The following GALNTL6 variants were observed in gnomAD, a reference collection of about 807,000 sequenced individuals.
GALNTL6 encodes the protein polypeptide N-acetylgalactosaminyltransferase-like 6.
GALNTL6 carries 46 observed loss-of-function variants against 73.7 expected under a neutral mutation model. The ratio of observed to expected loss-of-function variants is 0.62; its 90% CI spans 0.49 to 0.80. GALNTL6 has a LOEUF of 0.80. Ranked by LOEUF, GALNTL6 falls within the 30% of genes least tolerant of loss-of-function variation. The probability of loss-of-function intolerance (pLI) is 0.00; values close to 1 mark genes in which losing one functional copy is unlikely to be tolerated. For synonymous variants in GALNTL6, 259 were observed against 263.7 expected (o/e 0.98, Z 0.17); for missense variants, 604 against 755.0 (o/e 0.80, Z 2.34).
At chr4:171,914,062 A>G (rs970437154) in intron 2 of GALNTL6, among the ~76,000 whole-genome samples, 2 of 152,204 alleles carry the variant, frequency 1.3e-5, no homozygotes, top group Non-Finnish European at 2.9e-5. Context: ...AGGCTATAAA[A>G]TGAAATGGAA....
At chr4:172,461,218 G>A (rs952366232) in intron 5 of GALNTL6, among the ~76,000 whole-genome samples, 1 of 152,202 alleles carries the variant, frequency 6.6e-6, no homozygotes, top group South Asian at 2.1e-4. Flanking sequence ...GACCTGTTGG[G>A]GGGTGGGGCT....
chr4:172,016,165 C>T (rs1282209685), intron 2 of GALNTL6, among the ~76,000 whole-genome samples: 1 of 151,798 alleles, frequency 6.6e-6, no homozygotes, highest in Non-Finnish European at 1.5e-5. Flanking sequence ...GTTTTCCAAA[C>T]ATTTAGCTTT....
At chr4:172,108,988 G>C (rs977006694) in intron 2 of GALNTL6, among the ~76,000 whole-genome samples, 4 of 143,506 alleles carry the variant, frequency 2.8e-5, no homozygotes, top group African/African-American at 1.0e-4. Flanking sequence ...ACTCCAGCCT[G>C]GGTGACAGAG....
intron 2 of GALNTL6, among the ~76,000 whole-genome samples, chr4:171,849,375 C>G (rs1170159702): frequency 6.6e-6 from 1 of 152,118 alleles, no homozygotes; most frequent in African/African-American, 2.4e-5. Context: ...AGATCACTCC[C>G]TTAATAATAA....
At chr4:172,977,050 A>G (rs1438210018) in intron 10 of GALNTL6, among the ~76,000 whole-genome samples, 1 of 152,256 alleles carries the variant, frequency 6.6e-6, no homozygotes, top group Non-Finnish European at 1.5e-5. Context: ...AATTACTGTC[A>G]AACAGAATAG....
intron 5 of GALNTL6, among the ~76,000 whole-genome samples, chr4:172,795,650 C>A (rs1740221907): frequency 6.6e-6 from 1 of 152,002 alleles, no homozygotes; most frequent in Non-Finnish European, 1.5e-5. Context: ...AATGGAGTAT[C>A]CATCCCCTCA....
chr4:172,109,001 A>T (rs1732769916), intron 2 of GALNTL6, among the ~76,000 whole-genome samples: 1 of 136,850 alleles, frequency 7.3e-6, no homozygotes. Context: ...TGACAGAGTG[A>T]GACTCCATCT....
chr4:172,007,274 A>T (rs1411334150), intron 2 of GALNTL6, among the ~76,000 whole-genome samples: 1 of 152,122 alleles, frequency 6.6e-6, no homozygotes, highest in Non-Finnish European at 1.5e-5. Flanking sequence ...CAAGAAAAAT[A>T]ATGTTTCATG....
intron 7 of GALNTL6, among the ~76,000 whole-genome samples, chr4:172,851,171 TCTA>T (rs933676630): frequency 9.2e-5 from 14 of 152,086 alleles, no homozygotes; most frequent in Admixed American, 2.6e-4. Context: ...AACAAAGGAA[TCTA>T]CTATCACCCA....
intron 7 of GALNTL6, among the ~76,000 whole-genome samples, chr4:172,853,772 T>C (rs1474512921): frequency 1.3e-5 from 2 of 152,212 alleles, no homozygotes; most frequent in African/African-American, 2.4e-5. Context: ...AGATTTATAT[T>C]CCTAATATAA....
At chr4:171,815,149 T>C (rs912893897) in intron 2 of GALNTL6, 5 of 204,898 alleles carry the variant, frequency 2.4e-5, no homozygotes, top group Non-Finnish European at 4.8e-5. Context: ...GTGAAGTGGT[T>C]CTTTAAAAAT....
intron 3 of GALNTL6, among the ~76,000 whole-genome samples, chr4:172,275,279 C>T (rs534672260): frequency 2.6e-5 from 4 of 152,250 alleles, no homozygotes; most frequent in Admixed American, 6.5e-5. Flanking sequence ...ATCATTTCTT[C>T]GTTATTTACT....
At chr4:172,462,837 A>G (rs970825002) in intron 5 of GALNTL6, among the ~76,000 whole-genome samples, 5 of 152,228 alleles carry the variant, frequency 3.3e-5, no homozygotes, top group Non-Finnish European at 7.3e-5. Flanking sequence ...AGCCTTAGAC[A>G]GCAGGTAGGA....
chr4:172,313,837 G>A (rs1740451158), intron 4 of GALNTL6, among the ~76,000 whole-genome samples: 1 of 152,172 alleles, frequency 6.6e-6, no homozygotes, highest in Non-Finnish European at 1.5e-5. Flanking sequence ...AACCTTGAGA[G>A]GGTTTGAGAT....
intron 2 of GALNTL6, among the ~76,000 whole-genome samples, chr4:172,089,856 C>T (rs1411773595): frequency 6.6e-6 from 1 of 152,144 alleles, no homozygotes; most frequent in Non-Finnish European, 1.5e-5. Flanking sequence ...CCCCTAGCCC[C>T]TGATTTCCCA....
At chr4:172,854,694 C>G (rs1001045062) in intron 7 of GALNTL6, among the ~76,000 whole-genome samples, 3 of 152,168 alleles carry the variant, frequency 2.0e-5, no homozygotes, top group Non-Finnish European at 2.9e-5. Context: ...TAAATTTCTC[C>G]TTCTTCTATG....
intron 5 of GALNTL6, among the ~76,000 whole-genome samples, chr4:172,601,813 T>C (rs1738060574): frequency 6.8e-6 from 1 of 146,618 alleles, no homozygotes; most frequent in African/African-American, 2.6e-5. Context: ...AGGAAAAATA[T>C]TCAAAGAAAT....
intron 5 of GALNTL6, among the ~76,000 whole-genome samples, chr4:172,568,494 C>A (rs1385891747): frequency 6.6e-6 from 1 of 152,028 alleles, no homozygotes; most frequent in South Asian, 2.1e-4. Context: ...CGGTGGCTCA[C>A]GCTTGTAATC....
chr4:172,160,902 ACACACACATACACAC>A (rs1734441661), intron 2 of GALNTL6, among the ~76,000 whole-genome samples: 2 of 53,920 alleles, frequency 3.7e-5, no homozygotes, highest in African/African-American at 1.9e-4. Flanking sequence ...ACACACACAC[ACACACACATACACAC>A]ACACACACTC....
Sources: gnomAD v4.1 joint callset for allele counts (sites outside exome capture counted in the v4.1 genomes callset) on GRCh38, gnomAD v4.1.1 for gene constraint, MANE v1.5 for transcripts, NCBI Gene and HGNC (gene_info 2026-07-23, HGNC 2026-07-21) for gene names.